Variants in GFRAL observed in about 807,000 individuals in gnomAD.
GFRAL encodes the protein GDNF family receptor alpha like, also known as GDNF family receptor alpha-like.
GFRAL carries 36 observed loss-of-function variants against 45.4 expected under a neutral mutation model. The observed-to-expected ratio is 0.79, with a 90% CI of 0.61 to 1.05. The LOEUF (loss-of-function observed/expected upper bound fraction) is 1.05, where lower values mean the gene tolerates loss of function less well. Ranked by LOEUF, GFRAL falls within the 50% of genes least tolerant of loss-of-function variation. GFRAL has a pLI of 0.00. For missense variants in GFRAL, 507 were observed against 467.5 expected (o/e 1.08, Z -0.78); for synonymous variants, 166 against 154.1 (o/e 1.08, Z -0.57).
intron 5 of GFRAL, among the ~76,000 whole-genome samples, chr6:55,352,747 C>T (rs1230481511): frequency 6.6e-6 from 1 of 151,986 alleles, no homozygotes; most frequent in African/African-American, 2.4e-5. Flanking sequence ...CCCTAGCACA[C>T]ATGTATGCTA....
intron 6 of GFRAL, among the ~76,000 whole-genome samples, chr6:55,364,392 T>C (rs1768328604): frequency 6.7e-6 from 1 of 148,588 alleles, no homozygotes; most frequent in South Asian, 2.1e-4. Flanking sequence ...GTAGGTTGCC[T>C]GTTCACTCTG....
intron 3 of GFRAL, among the ~76,000 whole-genome samples, chr6:55,344,156 G>T (rs544376719): frequency 1.3e-5 from 2 of 152,164 alleles, no homozygotes; most frequent in African/African-American, 4.8e-5. Context: ...CCAATCAATA[G>T]AAAAAGAGGG....
chr6:55,372,789 A>C (rs2127361076), intron 6 of GFRAL, among the ~76,000 whole-genome samples: 1 of 152,276 alleles, frequency 6.6e-6, no homozygotes, highest in African/African-American at 2.4e-5. Context: ...TTAATCAACA[A>C]ATAAGTCTCT....
chr6:55,331,940 G>A, intron 2 of GFRAL, 91 bp downstream of exon 2: 1 of 1,210,074 alleles, frequency 8.3e-7, no homozygotes, highest in Non-Finnish European at 1.1e-6. Context: ...TAAGAACTAA[G>A]TTTTTTTCTA....
chr6:55,402,037 C>T lies in GFRAL; in HGVS notation c.*184C>T, dbSNP rs1768906669. 2.1e-6 allele frequency: 1 copy of T among 472,560 alleles called. No homozygotes were observed. Among genetic ancestry groups the T allele is most frequent in the South Asian group, 3.4e-5 (1 of 29,842 alleles). The allele number at this position is 472,560 out of a possible 1,614,324, so 29.3% of individuals were successfully genotyped here. On this transcript the variant is annotated 3_prime_UTR_variant, in exon 9 of 9. Transcript: ENST00000340465. Reference sequence around the variant, plus strand: ...TGTTGCCCAGGCTGCAGTACAATGGCTCAATCTCGGTTCACTGCAACCTCT... The same window carrying T: ...TGTTGCCCAGGCTGCAGTACAATGGTTCAATCTCGGTTCACTGCAACCTCT...
intron 3 of GFRAL, among the ~76,000 whole-genome samples, chr6:55,340,883 GC>G (rs903108254): frequency 6.6e-5 from 10 of 152,268 alleles, no homozygotes; most frequent in African/African-American, 2.4e-4. Flanking sequence ...TATATCCCGT[GC>G]CTGGCTTGGA....
intron 6 of GFRAL, among the ~76,000 whole-genome samples, chr6:55,397,195 C>T (rs1404797748): frequency 1.3e-5 from 2 of 152,040 alleles, no homozygotes; most frequent in Non-Finnish European, 2.9e-5. Flanking sequence ...GATGGTAATC[C>T]AATATGCAAA....
chr6:55,330,875 A>C (rs1195132069), intron 1 of GFRAL, among the ~76,000 whole-genome samples: 1 of 152,180 alleles, frequency 6.6e-6, no homozygotes, highest in East Asian at 1.9e-4. Flanking sequence ...AAAGTCAATA[A>C]ATTTAGCAAG....
At chr6:55,342,973 C>T (rs1238654600) in intron 3 of GFRAL, among the ~76,000 whole-genome samples, 1 of 152,134 alleles carries the variant, frequency 6.6e-6, no homozygotes, top group African/African-American at 2.4e-5. Context: ...ACAAGAAGAG[C>T]TAACTATCCT....
At chr6:55,384,460 C>T (rs2127363945) in intron 6 of GFRAL, among the ~76,000 whole-genome samples, 1 of 151,426 alleles carries the variant, frequency 6.6e-6, no homozygotes, top group Admixed American at 6.6e-5. Context: ...TTCCCATTGG[C>T]CCCACAATTC....
chr6:55,363,945 A>G (rs947971824), intron 6 of GFRAL, among the ~76,000 whole-genome samples: 19 of 149,400 alleles, frequency 1.3e-4, no homozygotes, highest in South Asian at 4.3e-4. Flanking sequence ...TCCTTTGGGT[A>G]TATACCCAGT....
At chr6:55,367,441 A>T (rs1290418707) in intron 6 of GFRAL, among the ~76,000 whole-genome samples, 3 of 144,856 alleles carry the variant, frequency 2.1e-5, no homozygotes, top group African/African-American at 5.4e-5. Flanking sequence ...GTCCATTTAC[A>T]TTTAAAGTTA....
chr6:55,366,157 G>C (rs1002309469), intron 6 of GFRAL, among the ~76,000 whole-genome samples: 2 of 151,744 alleles, frequency 1.3e-5, no homozygotes, highest in African/African-American at 4.8e-5. Context: ...CATCTTCCTG[G>C]TTTAGTCTTG....
intron 3 of GFRAL, among the ~76,000 whole-genome samples, chr6:55,336,554 T>C (rs1767893764): frequency 6.6e-6 from 1 of 152,204 alleles, no homozygotes. Context: ...ATAGTGATTA[T>C]ATAGAAATAC....
In GFRAL at chr6:55,385,539, A is replaced by G. The variant is rs564983278; in HGVS notation, c.953-13641A>G. On this transcript the variant is annotated intron_variant, in intron 6 of 8. Transcript: ENST00000340465. ...CCAAAAGAAAACAGAGGCGACTAAA[A>G]ATTAGTAACTTGTCCAAGTCACAAA... Among the ~76,000 whole-genome samples, 8 of 152,208 alleles carry G rather than the reference A, an allele frequency of 5.3e-5. No homozygotes were observed. The South Asian group carries it at 1.5e-3, about 28-fold the overall frequency.
At chr6:55,343,787 T>A (rs1041124596) in intron 3 of GFRAL, among the ~76,000 whole-genome samples, 8 of 151,818 alleles carry the variant, frequency 5.3e-5, no homozygotes, top group South Asian at 2.1e-4. Flanking sequence ...CTAACAAGAC[T>A]AATAAAGAAG....
At chr6:55,341,629 A>C (rs1030626151) in intron 3 of GFRAL, among the ~76,000 whole-genome samples, 1 of 152,158 alleles carries the variant, frequency 6.6e-6, no homozygotes, top group African/African-American at 2.4e-5. Context: ...TCCCCCTCCA[A>C]AGGAATGCAA....
chr6:55,379,540 A>G (rs1768578099), intron 6 of GFRAL, among the ~76,000 whole-genome samples: 2 of 149,778 alleles, frequency 1.3e-5, no homozygotes, highest in South Asian at 2.1e-4. Flanking sequence ...TAAAAATTAT[A>G]TGTATTTACC....
At chr6:55,359,247 C>G in intron 6 of GFRAL, 109 bp downstream of exon 6, 1 of 865,146 alleles carries the variant, frequency 1.2e-6, no homozygotes, top group South Asian at 2.0e-5. Context: ...CCAGCACAGA[C>G]ATTTTTGTGT....
Sources: allele counts gnomAD v4.1 joint callset (sites outside exome capture counted in the v4.1 genomes callset), GRCh38; gene constraint gnomAD v4.1.1; transcripts MANE v1.5; gene names NCBI Gene and HGNC (gene_info 2026-07-23, HGNC 2026-07-21).